The following STIM1 variants were observed in gnomAD, a reference collection of about 807,000 sequenced individuals.
STIM1 encodes stromal interaction molecule 1.
STIM1 carries 25 observed loss-of-function variants against 74.7 expected under a neutral mutation model. The observed-to-expected ratio is 0.33, with a 90% confidence interval of 0.24 to 0.47. STIM1 has a LOEUF of 0.47. Among genes scored for constraint, STIM1 ranks in the 20% least tolerant of loss-of-function variants. The probability of loss-of-function intolerance (pLI) is 1.00; values close to 1 mark genes in which losing one functional copy is unlikely to be tolerated. For synonymous variants in STIM1, 328 were observed against 348.8 expected (o/e 0.94, Z 0.66); for missense variants, 728 against 920.8 (o/e 0.79, Z 2.71).
intron 4 of STIM1, among the ~76,000 whole-genome samples, chr11:4,057,257 T>G (rs900286983): frequency 2.6e-5 from 4 of 152,238 alleles, no homozygotes; most frequent in Admixed American, 6.5e-5. Context: ...GGATTAAAAC[T>G]GCAAAGCATA....
intron 7 of STIM1, 145 bp downstream of exon 7, chr11:4,074,824 TAA>T: frequency 1.0e-6 from 1 of 956,112 alleles, no homozygotes; most frequent in Non-Finnish European, 1.5e-6. Flanking sequence ...TTACCAACAA[TAA>T]GAGTTCAAGT....
chr11:3,986,169 ACATATTCAATCCC>A (rs2093556392), intron 2 of STIM1, among the ~76,000 whole-genome samples: 1 of 152,222 alleles, frequency 6.6e-6, no homozygotes, highest in Admixed American at 6.5e-5. Context: ...AAAAAAAAAT[ACATATTCAATCCC>A]CATAGATATT....
chr11:3,950,976 G>C (rs1354914983), intron 1 of STIM1, among the ~76,000 whole-genome samples: 1 of 152,148 alleles, frequency 6.6e-6, no homozygotes, highest in Non-Finnish European at 1.5e-5. Context: ...TAGAGGATGA[G>C]TTTGAAAGAA....
At chr11:4,010,001 T>A (rs1383196681) in intron 2 of STIM1, among the ~76,000 whole-genome samples, 1 of 151,822 alleles carries the variant, frequency 6.6e-6, no homozygotes, top group Non-Finnish European at 1.5e-5. Context: ...TTTGTGGAGA[T>A]GGGGTTTCAC....
intron 12 of STIM1, chr11:4,088,546 A>G: frequency 1.5e-6 from 1 of 663,162 alleles, no homozygotes; most frequent in Non-Finnish European, 2.7e-6. Context: ...CTTCCAGTAC[A>G]GATGGAGAGG....
At chr11:3,878,611 G>A (rs1398340655) in intron 1 of STIM1, among the ~76,000 whole-genome samples, 2 of 152,198 alleles carry the variant, frequency 1.3e-5, no homozygotes, top group African/African-American at 4.8e-5. Context: ...ATTACAGAAT[G>A]TGTTCCCTTG....
rs191954094 is a variant in STIM1 at position 4,057,136 on chromosome 11, C to T, written c.497+1499C>T. 2.0e-5 allele frequency among the ~76,000 whole-genome samples: 3 copies of T among 152,340 alleles called. No individual in the cohort carries two copies. In the East Asian group the frequency reaches 5.8e-4, roughly 29 times the overall value. ...CCATGTTTAATGGAAAAGTAGATGA[C>T]TGACCACTAAGATCCAGGATTTAGG... On this transcript the variant is annotated intron_variant, in intron 4 of 12. Coordinates refer to ENST00000526596, the MANE Select transcript of STIM1 (RefSeq NM_001382567.1).
At chr11:4,014,939 T>C (rs1250740361) in intron 2 of STIM1, among the ~76,000 whole-genome samples, 6 of 152,244 alleles carry the variant, frequency 3.9e-5, no homozygotes, top group Non-Finnish European at 7.3e-5. Flanking sequence ...TGAGCCTATG[T>C]GTGTCTTTAC....
intron 1 of STIM1, among the ~76,000 whole-genome samples, chr11:3,920,317 C>T (rs1374753713): frequency 6.6e-6 from 1 of 152,004 alleles, no homozygotes; most frequent in African/African-American, 2.4e-5. Flanking sequence ...AATTTCAGAA[C>T]ATTTTCATCA....
At chr11:3,925,056 A>G (rs187522477) in intron 1 of STIM1, among the ~76,000 whole-genome samples, 1 of 152,218 alleles carries the variant, frequency 6.6e-6, no homozygotes, top group African/African-American at 2.4e-5. Flanking sequence ...AATATTTAAT[A>G]TATATTTTCT....
At chr11:4,026,640 T>C (rs1402270955) in intron 3 of STIM1, among the ~76,000 whole-genome samples, 1 of 152,226 alleles carries the variant, frequency 6.6e-6, no homozygotes, top group Non-Finnish European at 1.5e-5. Flanking sequence ...TCAGGTTTGA[T>C]AATTAACTAG....
At chr11:3,865,400 GGAC>G (rs1276132063) in intron 1 of STIM1, among the ~76,000 whole-genome samples, 1 of 150,344 alleles carries the variant, frequency 6.7e-6, no homozygotes, top group Non-Finnish European at 1.5e-5. Flanking sequence ...AGGAGGTCTG[GGAC>G]CTACACAGAG....
chr11:4,086,975 A>G, intron 12 of STIM1: 1 of 1,367,782 alleles, frequency 7.3e-7, no homozygotes, highest in Non-Finnish European at 9.7e-7. Context: ...GCAGTGGGGA[A>G]TCTTCTTATC....
intron 1 of STIM1, among the ~76,000 whole-genome samples, chr11:3,863,287 T>A (rs199749426): frequency 2.7e-5 from 4 of 149,706 alleles, no homozygotes; most frequent in African/African-American, 2.5e-5. Flanking sequence ...AGACAGGGTC[T>A]CTCTGTCACC....
At chr11:4,046,833 T>C (rs1565158961) in intron 3 of STIM1, among the ~76,000 whole-genome samples, 1 of 152,066 alleles carries the variant, frequency 6.6e-6, no homozygotes, top group African/African-American at 2.4e-5. Context: ...TATTTTTCTT[T>C]TGTAGAGTTG....
chr11:3,888,098 G>A (rs771307570), intron 1 of STIM1: 1 of 152,214 alleles, frequency 6.6e-6, no homozygotes, highest in Non-Finnish European at 1.5e-5. Context: ...TTCTGTTTTT[G>A]AAAGATGAAG....
chr11:4,006,308 TC>T (rs1483612188), intron 2 of STIM1, among the ~76,000 whole-genome samples: 1 of 152,140 alleles, frequency 6.6e-6, no homozygotes. Flanking sequence ...TCCCAAGGCC[TC>T]CCCAGAAGCA....
chr11:3,942,415 T>G (rs2093022675), intron 1 of STIM1, among the ~76,000 whole-genome samples: 1 of 152,208 alleles, frequency 6.6e-6, no homozygotes, highest in Non-Finnish European at 1.5e-5. Flanking sequence ...CAGGCTGATC[T>G]GGCATTTGGG....
intron 2 of STIM1, among the ~76,000 whole-genome samples, chr11:4,018,645 C>CA (rs576391881): frequency 0.033 from 1,839 of 54,988 alleles, 30 homozygotes; most frequent in Middle Eastern, 0.089. Context: ...AACTCTGTCT[C>CA]AAAAAAAAAA....
Sources: gnomAD v4.1 joint callset for allele counts (sites outside exome capture counted in the v4.1 genomes callset) on GRCh38, gnomAD v4.1.1 for gene constraint, MANE v1.5 for transcripts, NCBI Gene and HGNC (gene_info 2026-07-23, HGNC 2026-07-21) for gene names.